DNHD1: variants seen among roughly 807,000 people sequenced by gnomAD.
DNHD1 encodes dynein heavy chain domain 1, also known as dynein heavy chain domain-containing protein 1.
A neutral mutation model predicts 458.1 loss-of-function variants in DNHD1; 383 were observed. The ratio of observed to expected loss-of-function variants is 0.84; its 90% CI spans 0.77 to 0.91. The LOEUF (loss-of-function observed/expected upper bound fraction) is 0.91. Among genes scored for constraint, DNHD1 ranks in the 40% least tolerant of loss-of-function variants. The pLI is 0.00. For missense variants in DNHD1, 5,336 were observed against 5,866.1 expected, an observed-to-expected ratio of 0.91 and a Z score of 2.95; for synonymous variants, 2,203 against 2,376.9, an observed-to-expected ratio of 0.93 and a Z score of 2.13.
intron 3 of DNHD1, among the ~76,000 whole-genome samples, chr11:6,501,092 CAAGT>C (rs1041261577): frequency 2.0e-5 from 3 of 151,738 alleles, no homozygotes; most frequent in African/African-American, 4.9e-5. Context: ...TTAAATGAGA[CAAGT>C]AAGAAGAATG....
rs1450166051 is a variant in DNHD1 at position 6,557,334 on chromosome 11, T to C, written c.8039T>C (p.Phe2680Ser). 1.3e-6 allele frequency: 2 copies of C among 1,551,540 alleles called. No homozygotes were observed. The highest frequency in any genetic ancestry group is 1.4e-5 in the African/African-American group (1 of 73,154). ...CTCCTAGTAGTAGCTCAAAGTGTCT[T>C]CTGCTGTGGGCCAGGGCCCCAGCAC... is the stretch of plus-strand genomic sequence containing the variant. ...KLLLVVAQSVFCCGPGPQHLG... is the reference protein window; with the variant it reads ...KLLLVVAQSVSCCGPGPQHLG... The change falls in exon 25 of 43, where the codon TTC becomes TCC. Residue 2680 changes from phenylalanine to serine, a missense_variant. Physicochemically the swap from Phe to Ser is radical, Grantham distance 155. This residue lies in a region of DNHD1 where 3,932 missense variants were observed against 4,365.6 expected (regional missense o/e 0.90). Transcript: ENST00000254579.
rs567432395 is a variant in DNHD1 at position 6,522,194 on chromosome 11, T to A, written c.1837+1905T>A. Among the ~76,000 whole-genome samples the A allele has an allele frequency of 2.0e-3, 310 of 152,298 alleles. 1 individual carries two copies. The highest frequency in any genetic ancestry group is 7.2e-3 in the African/African-American group (301 of 41,570). The stretch of plus-strand genomic sequence containing the variant: ...CCCACTTTTTAATGGGGCTGTTTTT[T>A]TTTTCTTGTAAGTTTGTTTAAGTTC... On this transcript the variant is annotated intron_variant, in intron 10 of 42. Coordinates refer to ENST00000254579, the MANE Select transcript of DNHD1 (RefSeq NM_144666.3).
intron 28 of DNHD1, among the ~76,000 whole-genome samples, chr11:6,560,134 C>T (rs1184538929): frequency 6.6e-6 from 1 of 152,190 alleles, no homozygotes; most frequent in Non-Finnish European, 1.5e-5. Context: ...TCTAAAATAG[C>T]ACCTTTTTTT....
chr11:6,547,321 G>GGCTAAATA lies in DNHD1; in HGVS notation c.6382_6383insGCTAAATA (p.Val2128GlyfsTer2). 1 of 1,551,792 alleles carries GGCTAAATA rather than the reference G, an allele frequency of 6.4e-7. No individual in the cohort carries two copies. Among genetic ancestry groups the GGCTAAATA allele is most frequent in the East Asian group, 2.4e-5 (1 of 40,930 alleles). On this transcript the variant is annotated stop_gained and frameshift_variant, in exon 21 of 43. Coordinates refer to ENST00000254579, the MANE Select transcript of DNHD1 (RefSeq NM_144666.3). LOFTEE classifies it high-confidence loss of function. ...CCCAGGCACCTTTCTCTTGATGGAG[G>GGCTAAATA]TGGCTGACACAACAGGCATATCCCC...
In DNHD1 at chr11:6,567,922, C is replaced by A. The variant is rs1208138174; in HGVS notation, c.12351+62C>A. 4.7e-6 allele frequency: 7 copies of A among 1,496,886 alleles called. No individual in the cohort carries two copies. The African/African-American group carries it at 5.6e-5, about 12-fold the overall frequency. The allele number at this position is 1,496,886 out of a possible 1,614,324, so 92.7% of individuals were successfully genotyped here. A position where few individuals can be genotyped will look rare whatever the true frequency, so the allele number is the denominator to read the frequency against. On this transcript the variant is annotated intron_variant, in intron 36 of 42. Coordinates refer to ENST00000254579, the MANE Select transcript of DNHD1 (RefSeq NM_144666.3). Reference sequence around the variant, plus strand: ...CTCCTGTGGGCTGGGGCATGGGGGACCCCCTCCAAGCATTTTCATGGATCT... The same window carrying A: ...CTCCTGTGGGCTGGGGCATGGGGGAACCCCTCCAAGCATTTTCATGGATCT...
At chr11:6,556,287 T>C (rs1469571212) in intron 24 of DNHD1, among the ~76,000 whole-genome samples, 1 of 152,244 alleles carries the variant, frequency 6.6e-6, no homozygotes, top group African/African-American at 2.4e-5. Flanking sequence ...AAGTTGATTT[T>C]TTTTTAAGTG....
At position 6,546,011 on chromosome 11, in the gene DNHD1, TG is replaced by T. The variant is rs1193550843; in HGVS notation, c.5075del (p.Gly1692AlafsTer5). The T allele has an allele frequency of 5.8e-6, 9 of 1,551,536 alleles. No individual in the cohort carries two copies. The highest frequency in any genetic ancestry group is 7.8e-6 in the Non-Finnish European group (9 of 1,146,944). On this transcript the variant is annotated frameshift_variant, in exon 21 of 43. Coordinates refer to ENST00000254579, the MANE Select transcript of DNHD1 (RefSeq NM_144666.3). ...GGGACCGTACTGGGTCCTAATGGTGTGGGCAAGAGAGCTATAGTGAACAGCC... is the reference window on the plus strand; with the variant it reads ...GGGACCGTACTGGGTCCTAATGGTGTGGCAAGAGAGCTATAGTGAACAGCC... ...ACGTVLGPNG[V>X]GKRAIVNSLA... is the part of the protein sequence containing the mutation.
rs1554964598 is a variant in DNHD1 at position 6,528,404 on chromosome 11, G to GGGGTGTGT, written c.1838-117_1838-116insGGTGTGTG. ...TTAACTCACTCATGAGCAGCGAATG[G>GGGGTGTGT]GTGTGTGTGTGTGTGTGTGTGTGTG... On this transcript the variant is annotated intron_variant, in intron 10 of 42. Transcript: ENST00000254579. 36 of 881,332 alleles carry GGGGTGTGT rather than the reference G, an allele frequency of 4.1e-5. No individual in the cohort carries two copies. In the African/African-American group the frequency reaches 4.3e-4, roughly 11 times the overall value. The allele number at this position is 881,332 out of a possible 1,614,324, so 54.6% of individuals were successfully genotyped here.
At chr11:6,514,452 CCT>C (rs1427057600) in intron 7 of DNHD1, among the ~76,000 whole-genome samples, 4 of 150,484 alleles carry the variant, frequency 2.7e-5, no homozygotes, top group African/African-American at 7.3e-5. Flanking sequence ...CTTTTCCCTC[CCT>C]CTCTCTCTCC....
At chr11:6,514,782 CT>C (rs963014166) in intron 7 of DNHD1, among the ~76,000 whole-genome samples, 1 of 152,128 alleles carries the variant, frequency 6.6e-6, no homozygotes, top group African/African-American at 2.4e-5. Context: ...CCCCTTACCC[CT>C]GTCTTAGTTT....
chr11:6,500,881 T>C (rs1273621082), intron 3 of DNHD1, among the ~76,000 whole-genome samples: 1 of 152,066 alleles, frequency 6.6e-6, no homozygotes, highest in African/African-American at 2.4e-5. Context: ...ACAAGTAAAA[T>C]ATAATTACAA....
Position 6,505,542 on chromosome 11 carries a change from C to T in DNHD1, c.920+2616C>T, listed in dbSNP as rs147620737. 2.9e-4 allele frequency among the ~76,000 whole-genome samples: 44 copies of T among 152,214 alleles called. No homozygotes were observed. The highest frequency in any genetic ancestry group is 8.7e-4 in the African/African-American group (36 of 41,536). On this transcript the variant is annotated intron_variant, in intron 4 of 42. Coordinates refer to ENST00000254579, the MANE Select transcript of DNHD1 (RefSeq NM_144666.3). The surrounding 1 kb of genome is among the most constrained non-coding windows in gnomAD (Gnocchi z 4.4). Reference sequence around the variant, plus strand: ...TGCTGGGATTACAGGCGTGAGTCACCGCGCCTGGCCTCGACATCTTTTTAA... The same window carrying T: ...TGCTGGGATTACAGGCGTGAGTCACTGCGCCTGGCCTCGACATCTTTTTAA...
At chr11:6,533,232 G>A (rs1478918528) in intron 13 of DNHD1, 48 bp downstream of exon 13, 2 of 1,526,008 alleles carry the variant, frequency 1.3e-6, no homozygotes, top group South Asian at 1.2e-5. Context: ...GGCCCATCCT[G>A]CTCAAAAGCT....
intron 10 of DNHD1, among the ~76,000 whole-genome samples, chr11:6,525,360 A>G (rs889735196): frequency 1.3e-5 from 2 of 152,232 alleles, no homozygotes; most frequent in Admixed American, 6.5e-5. Flanking sequence ...AGATGGTTCT[A>G]CAACAATAGA....
intron 10 of DNHD1, among the ~76,000 whole-genome samples, chr11:6,525,299 T>C (rs1400258196): frequency 6.6e-6 from 1 of 152,232 alleles, no homozygotes; most frequent in Non-Finnish European, 1.5e-5. Context: ...TACCTCTAGC[T>C]GTAAGATAGG....
Position 6,533,700 on chromosome 11 carries a change from A to G in DNHD1, c.2525A>G (p.Gln842Arg). The change falls in exon 14 of 43, where the codon CAG becomes CGG. Residue 842 changes from glutamine (Q) to arginine (R), a missense_variant. Gln to Arg is a conservative substitution (Grantham distance 43). Transcript: ENST00000254579. ...CTQKLNEANEQYVELEERMEY... is the reference protein window; with the variant it reads ...CTQKLNEANERYVELEERMEY... Reference sequence around the variant, plus strand: ...CTGCAGTTGAATGAAGCCAATGAACAGTACGTCGAGCTGGAGGAGCGAATG... The same window carrying G: ...CTGCAGTTGAATGAAGCCAATGAACGGTACGTCGAGCTGGAGGAGCGAATG... 1 of 1,550,100 alleles carries G rather than the reference A, an allele frequency of 6.5e-7. No individual in the cohort carries two copies. The highest frequency in any genetic ancestry group is 1.2e-5 in the South Asian group (1 of 83,912).
intron 10 of DNHD1, among the ~76,000 whole-genome samples, chr11:6,523,489 T>C (rs999709822): frequency 1.3e-5 from 2 of 152,240 alleles, no homozygotes; most frequent in South Asian, 2.1e-4. Context: ...CTTTGCTCTG[T>C]GTGGAATGTC....
At position 6,568,695 on chromosome 11, in the gene DNHD1, T is replaced by C. The variant is rs1015972097; in HGVS notation, c.12692T>C (p.Phe4231Ser). 8.1e-6 allele frequency: 13 copies of C among 1,613,782 alleles called. No individual in the cohort carries two copies. Among genetic ancestry groups the C allele is most frequent in the Admixed American group, 1.7e-5 (1 of 59,990 alleles). ...CTGACTCAGCACTCCATGCCTGTTT[T>C]CTGGAACCAGTCCCTGGAGCTGGGC... The part of the protein sequence containing the change: ...AVLTQHSMPV[F>S]WNQSLELGHV... The change falls in exon 39 of 43, where the codon TTC (phenylalanine) becomes TCC (serine). Residue 4231 changes from phenylalanine (F) to serine (S), a missense_variant. Coordinates refer to ENST00000254579, the MANE Select transcript of DNHD1 (RefSeq NM_144666.3).
chr11:6,519,466 TA>T, intron 7 of DNHD1, 133 bp from the exon 8 acceptor site: 2 of 977,030 alleles, frequency 2.0e-6, no homozygotes, highest in Non-Finnish European at 3.1e-6. Flanking sequence ...TAAACTCTAC[TA>T]AAAAGGAGCC....
Sources: gnomAD v4.1 joint callset for allele counts (sites outside exome capture counted in the v4.1 genomes callset) on GRCh38, gnomAD v4.1.1 for gene constraint, gnomAD v4.1.1 regional missense constraint, Gnocchi (gnomAD v3.1) non-coding constraint, MANE v1.5 for transcripts, NCBI Gene and HGNC (gene_info 2026-07-23, HGNC 2026-07-21) for gene names.